The following HMGB1 variants were observed in gnomAD, a reference collection of about 807,000 sequenced individuals.
The protein encoded by HMGB1 is high mobility group box 1, also known as high mobility group protein B1.
For missense variants in HMGB1, 79 were observed against 253.5 expected, an observed-to-expected ratio of 0.31 and a Z score of 4.67; for synonymous variants, 81 against 84.0, an observed-to-expected ratio of 0.96 and a Z score of 0.19.
chr13:30,464,115 C>A, intron 1 of HMGB1: 1 of 983,266 alleles, frequency 1.0e-6, no homozygotes, highest in Non-Finnish European at 1.2e-6. Context: ...AGGGCCTAAG[C>A]GAGTCGACTC....
chr13:30,571,979 G>A (rs9579608), intron 1 of HMGB1, among the ~76,000 whole-genome samples: 7,724 of 152,192 alleles, frequency 0.051, 654 homozygotes, highest in African/African-American at 0.18. Context: ...CTACACCTGA[G>A]GCAATTTCTG....
chr13:30,519,899 C>T (rs566807219), intron 1 of HMGB1, among the ~76,000 whole-genome samples: 2 of 152,270 alleles, frequency 1.3e-5, no homozygotes, highest in East Asian at 3.9e-4. Context: ...GATGATGCTT[C>T]CTTATCACTT....
chr13:30,468,928 C>G (rs1162448775), upstream of HMGB1, among the ~76,000 whole-genome samples: 1 of 152,066 alleles, frequency 6.6e-6, no homozygotes, highest in Non-Finnish European at 1.5e-5. Context: ...GGGTCTTGCT[C>G]TGTTGCCCAG....
chr13:30,554,414 T>C (rs544045377), intron 1 of HMGB1: 28 of 825,178 alleles, frequency 3.4e-5, no homozygotes, highest in Admixed American at 2.0e-4. Flanking sequence ...ACAAGTGTTA[T>C]TGAACATGAG....
At chr13:30,556,947 G>T (rs7984483) in intron 1 of HMGB1, among the ~76,000 whole-genome samples, 118,059 of 152,122 alleles carry the variant, frequency 0.78, 47,734 homozygotes, top group Middle Eastern at 0.92. Flanking sequence ...GTGGATGTGC[G>T]AATTACCCTG....
At chr13:30,475,389 T>C (rs538552126) in intron 1 of HMGB1, among the ~76,000 whole-genome samples, 1 of 151,736 alleles carries the variant, frequency 6.6e-6, no homozygotes, top group African/African-American at 2.4e-5. Flanking sequence ...TTTTTGTATT[T>C]TTTGTAGAGA....
At chr13:30,511,641 T>C (rs535178718) in intron 1 of HMGB1, among the ~76,000 whole-genome samples, 1 of 152,332 alleles carries the variant, frequency 6.6e-6, no homozygotes, top group Admixed American at 6.5e-5. Flanking sequence ...GTGAAATGTC[T>C]ATTGAACGCA....
chr13:30,531,594 A>G (rs1323450552), intron 1 of HMGB1, among the ~76,000 whole-genome samples: 1 of 151,662 alleles, frequency 6.6e-6, no homozygotes. Flanking sequence ...TGAAAGTCAC[A>G]CATGCTCATT....
At chr13:30,470,694 G>A (rs549838529), upstream of HMGB1, among the ~76,000 whole-genome samples, 1 of 152,260 alleles carries the variant, frequency 6.6e-6, no homozygotes, top group African/African-American at 2.4e-5. Flanking sequence ...AGTCGTCCAG[G>A]TTGGAGGGCG....
At chr13:30,479,166 G>T (rs1484176604) in intron 1 of HMGB1, among the ~76,000 whole-genome samples, 2 of 152,158 alleles carry the variant, frequency 1.3e-5, no homozygotes, top group African/African-American at 4.8e-5. Flanking sequence ...TTTACCTCTT[G>T]TCACTATTGA....
chr13:30,515,583 G>A (rs892774235), intron 1 of HMGB1, among the ~76,000 whole-genome samples: 1 of 151,580 alleles, frequency 6.6e-6, no homozygotes, highest in African/African-American at 2.4e-5. Context: ...AGGTCATAAT[G>A]CCAGCTGGCC....
At chr13:30,535,898 A>T (rs1868411954) in intron 1 of HMGB1, among the ~76,000 whole-genome samples, 1 of 152,314 alleles carries the variant, frequency 6.6e-6, no homozygotes, top group Middle Eastern at 3.4e-3. Context: ...TCAAAACAAA[A>T]ACTGAAACAA....
chr13:30,462,016 T>C (rs1029782929), intron 4 of HMGB1, among the ~76,000 whole-genome samples: 5 of 152,222 alleles, frequency 3.3e-5, no homozygotes, highest in Admixed American at 2.6e-4. Flanking sequence ...TGACTAAAGC[T>C]GAAAATTAAG....
chr13:30,467,519 C>T (rs527372919), upstream of HMGB1, among the ~76,000 whole-genome samples: 1 of 152,022 alleles, frequency 6.6e-6, no homozygotes, highest in South Asian at 2.1e-4. Context: ...ATGAAAAAGA[C>T]TATAATATTA....
intron 1 of HMGB1, among the ~76,000 whole-genome samples, chr13:30,537,364 G>A (rs1868486618): frequency 6.6e-6 from 1 of 151,842 alleles, no homozygotes; most frequent in Non-Finnish European, 1.5e-5. Flanking sequence ...ATACAGAAGA[G>A]CACAAATCAT....
intron 1 of HMGB1, among the ~76,000 whole-genome samples, chr13:30,567,425 C>T (rs1016319926): frequency 1.3e-5 from 2 of 150,006 alleles, no homozygotes; most frequent in African/African-American, 4.9e-5. Context: ...TTCACTGCAA[C>T]CTCCGCCTCC....
intron 1 of HMGB1, among the ~76,000 whole-genome samples, chr13:30,500,105 C>T (rs1307835018): frequency 6.6e-6 from 1 of 152,116 alleles, no homozygotes; most frequent in Non-Finnish European, 1.5e-5. Flanking sequence ...GAGCCCTCTC[C>T]AGAGCAGGTT....
At chr13:30,501,668 T>C (rs1887738730) in intron 1 of HMGB1, among the ~76,000 whole-genome samples, 1 of 152,212 alleles carries the variant, frequency 6.6e-6, no homozygotes, top group Non-Finnish European at 1.5e-5. Flanking sequence ...TAAACACTAA[T>C]AGACAATATT....
At chr13:30,509,312 C>T (rs1310448096) in intron 1 of HMGB1, among the ~76,000 whole-genome samples, 1 of 151,442 alleles carries the variant, frequency 6.6e-6, no homozygotes, top group African/African-American at 2.4e-5. Context: ...GATCTTGGCT[C>T]ACTGCAACCT....
Sources: allele counts gnomAD v4.1 joint callset (sites outside exome capture counted in the v4.1 genomes callset), GRCh38; gene constraint gnomAD v4.1.1; transcripts MANE v1.5; gene names NCBI Gene and HGNC (gene_info 2026-07-23, HGNC 2026-07-21).